Variants in IFFO1 observed in about 807,000 individuals in gnomAD.
IFFO1 encodes the protein non-homologous end joining factor IFFO1.
IFFO1 carries 42 observed loss-of-function variants against 59.6 expected under a neutral mutation model. The ratio of observed to expected loss-of-function variants is 0.70; its 90% confidence interval spans 0.55 to 0.91. The LOEUF (loss-of-function observed/expected upper bound fraction) is 0.91, where lower values mean the gene tolerates loss of function less well. Among genes scored for constraint, IFFO1 ranks in the 40% least tolerant of loss-of-function variants. The pLI, the probability that IFFO1 is intolerant of heterozygous loss-of-function variation, is 0.00. For missense variants in IFFO1, 711 were observed against 793.2 expected, an observed-to-expected ratio of 0.90 and a Z score of 1.24; for synonymous variants, 336 against 342.8, an observed-to-expected ratio of 0.98 and a Z score of 0.22.
At chr12:6,540,625 C>G in intron 9 of IFFO1, 37 bp from the exon 10 acceptor site, 1 of 1,563,190 alleles carries the variant, frequency 6.4e-7, no homozygotes, top group Non-Finnish European at 8.8e-7. Flanking sequence ...TTGGGGCAGG[C>G]AGGAATCCTG....
Position 6,549,421 on chromosome 12 carries a change from G to A in IFFO1, c.1080+55C>T. ...CCAAACTGAGGGCCAGGAGGCCTAG[G>A]CAGCTTAGAAACTGGGACTGGGACA... On this transcript the variant is annotated intron_variant, in intron 5 of 9. Coordinates refer to ENST00000619571, the MANE Select transcript of IFFO1 (RefSeq NM_001193457.2). The surrounding 1 kb of genome is among the most constrained non-coding windows in gnomAD (Gnocchi z 5.0). 3 of 1,609,836 alleles carry A rather than the reference G, an allele frequency of 1.9e-6. No homozygotes were observed. The highest frequency in any genetic ancestry group is 2.6e-6 in the Non-Finnish European group (3 of 1,176,274).
intron 9 of IFFO1, 56 bp from the exon 10 acceptor site, chr12:6,540,644 C>T: frequency 2.8e-6 from 4 of 1,413,468 alleles, no homozygotes; most frequent in East Asian, 4.6e-5. Context: ...TGAAGACGGA[C>T]GGCACTCCTC....
In IFFO1 at chr12:6,549,266, A is replaced by T; in HGVS notation, c.1080+210T>A. The T allele has an allele frequency of 1.5e-6, 1 of 645,234 alleles. No individual in the cohort carries two copies. Among genetic ancestry groups the T allele is most frequent in the Non-Finnish European group, 2.8e-6 (1 of 362,788 alleles). The allele number at this position is 645,234 out of a possible 1,614,324, so 40.0% of individuals were successfully genotyped here. On this transcript the variant is annotated intron_variant, in intron 5 of 9. Transcript: ENST00000619571. The surrounding 1 kb of genome is among the most constrained non-coding windows in gnomAD (Gnocchi z 5.0). ...AAAAGAGAACCTGAATCACATCCAGATCTGGAAAGCCGGGGGAGAAGGGAG... is the reference window on the plus strand; with the variant it reads ...AAAAGAGAACCTGAATCACATCCAGTTCTGGAAAGCCGGGGGAGAAGGGAG...
rs1464632529 is a variant in IFFO1, at chr12:6,540,331, CTG to C, written c.*150_*151del. ...CCCCAGAGCCCTGGAGAAGCCAAGACTGAGGGAGAAAGCCTGAGGGAGGAGCG... is the reference window on the plus strand; with the variant it reads ...CCCCAGAGCCCTGGAGAAGCCAAGACAGGGAGAAAGCCTGAGGGAGGAGCG... On this transcript the variant is annotated 3_prime_UTR_variant, in exon 10 of 10. Coordinates refer to ENST00000619571, the MANE Select transcript of IFFO1 (RefSeq NM_001193457.2). 8.8e-6 allele frequency: 6 copies of C among 684,322 alleles called. No individual in the cohort carries two copies. The East Asian group carries it at 1.3e-4, about 15-fold the overall frequency. The allele number at this position is 684,322 out of a possible 1,614,324, so 42.4% of individuals were successfully genotyped here. A position where few individuals can be genotyped will look rare whatever the true frequency, so the allele number is the denominator to read the frequency against.
At chr12:6,547,756 A>T (rs1359244335) in intron 8 of IFFO1, among the ~76,000 whole-genome samples, 1 of 149,848 alleles carries the variant, frequency 6.7e-6, no homozygotes, top group East Asian at 2.0e-4. Context: ...AGAGAGAGAG[A>T]AAGGAAGGAA....
chr12:6,549,326 G>A lies in IFFO1; in HGVS notation c.1080+150C>T. Reference sequence around the variant, plus strand: ...TGCAGTCAAGAGAACAAGAGATAGAGAGAAAAAGGGGGAAGAGCAAGGAAA... The same window carrying A: ...TGCAGTCAAGAGAACAAGAGATAGAAAGAAAAAGGGGGAAGAGCAAGGAAA... On this transcript the variant is annotated intron_variant, in intron 5 of 9. Coordinates refer to ENST00000619571, the MANE Select transcript of IFFO1 (RefSeq NM_001193457.2). The surrounding 1 kb of genome is among the most constrained non-coding windows in gnomAD (Gnocchi z 5.0). 1.4e-6 allele frequency: 1 copy of A among 728,214 alleles called. No homozygotes were observed. Among genetic ancestry groups the A allele is most frequent in the Non-Finnish European group, 2.4e-6 (1 of 416,770 alleles). 45.1% of individuals were successfully genotyped at this position (728,214 alleles called of 1,614,324 possible).
intron 1 of IFFO1, among the ~76,000 whole-genome samples, chr12:6,552,575 A>C (rs1947276878): frequency 6.6e-6 from 1 of 152,162 alleles, no homozygotes. Context: ...TGGTGCCCTC[A>C]TGCGCCGGGA....
chr12:6,548,502 C>T lies in IFFO1; in HGVS notation c.1306G>A (p.Glu436Lys), dbSNP rs766312041. The T allele has an allele frequency of 6.2e-7, 1 of 1,614,042 alleles. No homozygotes were observed. Among genetic ancestry groups the T allele is most frequent in the Non-Finnish European group, 8.5e-7 (1 of 1,179,926 alleles). ...FEDDCDSLTW[E>K]ETEETLLLWE... is the part of the protein sequence containing the mutation. The stretch of plus-strand genomic sequence containing the variant: ...AGCAGCAGGGTCTCCTCAGTCTCCT[C>T]CCAAGTCAGGCTGTCACAGTCGTCC... Residue 436 changes from glutamate to lysine, a missense_variant, in exon 7 of 10, where the codon GAG becomes AAG. Physicochemically the swap from Glu to Lys is moderately conservative, Grantham distance 56. Coordinates refer to ENST00000619571, the MANE Select transcript of IFFO1 (RefSeq NM_001193457.2). This position sits in a 1 kb window ranked among gnomAD's most constrained non-coding sequence, Gnocchi z 6.1.
At position 6,548,935 on chromosome 12, in the gene IFFO1, A is replaced by C; in HGVS notation, c.1081-86T>G. On this transcript the variant is annotated intron_variant, in intron 5 of 9. Coordinates refer to ENST00000619571, the MANE Select transcript of IFFO1 (RefSeq NM_001193457.2). This position sits in a 1 kb window ranked among gnomAD's most constrained non-coding sequence, Gnocchi z 6.1. ...GGGTGGGAATGGGGGAGAAGCATGA[A>C]CCAGTAGGAAGGGGGGGCAGACAGA... The C allele has an allele frequency of 2.7e-6, 3 of 1,116,832 alleles. No individual in the cohort carries two copies. Among genetic ancestry groups the C allele is most frequent in the Non-Finnish European group, 3.8e-6 (3 of 781,142 alleles). The allele number at this position is 1,116,832 out of a possible 1,614,324, so 69.2% of individuals were successfully genotyped here.
intron 1 of IFFO1, among the ~76,000 whole-genome samples, chr12:6,553,936 A>T (rs374402097): frequency 2.6e-5 from 4 of 152,342 alleles, no homozygotes; most frequent in African/African-American, 9.6e-5. Context: ...GCAGGAGAAC[A>T]CTACATCTTC....
intron 3 of IFFO1, 93 bp downstream of exon 3, chr12:6,550,602 G>A: frequency 8.0e-6 from 7 of 878,384 alleles, no homozygotes; most frequent in Non-Finnish European, 1.3e-5. Flanking sequence ...AGGAGCCGTG[G>A]ACGGGAGGCC....
At chr12:6,553,282 C>A (rs1318778080) in intron 1 of IFFO1, among the ~76,000 whole-genome samples, 1 of 152,218 alleles carries the variant, frequency 6.6e-6, no homozygotes, top group Non-Finnish European at 1.5e-5. Flanking sequence ...CAAGGAATAA[C>A]TCCTTCCTGT....
chr12:6,555,655 T>C lies in IFFO1; in HGVS notation c.375A>G (p.Ala125=). Residue 125 remains alanine, a synonymous_variant, in exon 1 of 10, where the codon GCA becomes GCG. Coordinates refer to ENST00000619571, the MANE Select transcript of IFFO1 (RefSeq NM_001193457.2). The surrounding 1 kb of genome is among the most constrained non-coding windows in gnomAD (Gnocchi z 8.6). ...GRRGLGRRDQ[A]VQTGFVSPIR... ...TGGGGCTGACGAAGCCGGTCTGCAC[T>C]GCCTGGTCGCGACGACCCAGGCCCC... 2 of 1,598,634 alleles carry C rather than the reference T, an allele frequency of 1.3e-6. No homozygotes were observed. The highest frequency in any genetic ancestry group is 8.5e-7 in the Non-Finnish European group (1 of 1,174,264).
At position 6,540,537 on chromosome 12, in the gene IFFO1, T is replaced by G. The variant is rs769395144; in HGVS notation, c.1662A>C (p.Pro554=). The G allele has an allele frequency of 6.2e-7, 1 of 1,613,590 alleles. No homozygotes were observed. The highest frequency in any genetic ancestry group is 1.7e-5 in the Admixed American group (1 of 60,020). Residue 554 remains proline (P), a synonymous_variant, in exon 10 of 10, where the codon CCA becomes CCC. Coordinates refer to ENST00000619571, the MANE Select transcript of IFFO1 (RefSeq NM_001193457.2). ...AVPLSDPPPP[P]SEAEDSDRDV... ...CGCGATCGGAGTCCTCAGCCTCGCT[T>G]GGCGGCGGCGGCGGGTCGCTAAGCG...
intron 8 of IFFO1, among the ~76,000 whole-genome samples, chr12:6,547,779 A>G (rs747687538): frequency 6.6e-6 from 1 of 151,350 alleles, no homozygotes; most frequent in Non-Finnish European, 1.5e-5. Flanking sequence ...AAGGAAGGAA[A>G]GAAAGGAAAG....
rs574517499 is a variant in IFFO1 at position 6,548,812 on chromosome 12, C to G, written c.1118G>C (p.Gly373Ala). 12 of 1,613,002 alleles carry G rather than the reference C, an allele frequency of 7.4e-6. No homozygotes were observed. Among genetic ancestry groups the G allele is most frequent in the African/African-American group, 1.3e-5 (1 of 74,896 alleles). The change falls in exon 6 of 10, where the codon GGG (glycine) becomes GCG (alanine). Residue 373 changes from glycine to alanine, a missense_variant. Physicochemically the swap from Gly to Ala is moderately conservative, Grantham distance 60. This residue lies in a region of IFFO1 where 579 missense variants were observed against 650.3 expected (regional missense o/e 0.89). Transcript: ENST00000619571. This position sits in a 1 kb window ranked among gnomAD's most constrained non-coding sequence, Gnocchi z 6.1. ...AGCCTTGCGCTCCCGCTTCCGCCCCCCCATGGATGGGACCTTAATGGGAGA... is the reference window on the plus strand; with the variant it reads ...AGCCTTGCGCTCCCGCTTCCGCCCCGCCATGGATGGGACCTTAATGGGAGA... Reference protein sequence around the residue: ...HLSPIKVPSMGGRKRERKAAV... With the variant: ...HLSPIKVPSMAGRKRERKAAV...
rs1007696644 is a variant in IFFO1, at chr12:6,541,866, G to A, written c.1480-224C>T. ...TGGAAATCTTTGCCTATGGAGGAAT[G>A]CAAAGGTACTGCTGCAGGCTGTGTT... On this transcript the variant is annotated intron_variant, in intron 8 of 9. Coordinates refer to ENST00000619571, the MANE Select transcript of IFFO1 (RefSeq NM_001193457.2). This position sits in a 1 kb window ranked among gnomAD's most constrained non-coding sequence, Gnocchi z 4.8. Among the ~76,000 whole-genome samples, 8 of 152,244 alleles carry A rather than the reference G, an allele frequency of 5.3e-5. No individual in the cohort carries two copies. Among genetic ancestry groups the A allele is most frequent in the Non-Finnish European group, 1.2e-4 (8 of 68,042 alleles).
In IFFO1 at chr12:6,551,070, C is replaced by T. The variant is rs181390413; in HGVS notation, c.774-69G>A. On this transcript the variant is annotated intron_variant, in intron 1 of 9. Coordinates refer to ENST00000619571, the MANE Select transcript of IFFO1 (RefSeq NM_001193457.2). ...CTTCCCTGCCCCCATGGCTCCCTGT[C>T]CCCACCTCTCTGGCTCAGGCCTCAG... 354 of 1,486,552 alleles carry T rather than the reference C, an allele frequency of 2.4e-4. 2 individuals are homozygous for T. The highest frequency in any genetic ancestry group is 2.1e-3 in the Middle Eastern group (12 of 5,830). The allele number at this position is 1,486,552 out of a possible 1,614,324, so 92.1% of individuals were successfully genotyped here. A position where few individuals can be genotyped will look rare whatever the true frequency, so the allele number is the denominator to read the frequency against.
intron 8 of IFFO1, among the ~76,000 whole-genome samples, chr12:6,547,286 G>T (rs376589772): frequency 6.6e-6 from 1 of 152,052 alleles, no homozygotes; most frequent in African/African-American, 2.4e-5. Context: ...GGTAGCACAC[G>T]CCTGTGGTCC....
Sources: gnomAD v4.1 joint callset for allele counts (sites outside exome capture counted in the v4.1 genomes callset) on GRCh38, gnomAD v4.1.1 for gene constraint, gnomAD v4.1.1 regional missense constraint, Gnocchi (gnomAD v3.1) non-coding constraint, MANE v1.5 for transcripts, NCBI Gene and HGNC (gene_info 2026-07-23, HGNC 2026-07-21) for gene names.